The following MARK1 variants were observed in gnomAD, a reference collection of about 807,000 sequenced individuals.
MARK1 encodes the protein serine/threonine-protein kinase MARK1.
MARK1 carries 40 observed loss-of-function variants against 96.3 expected under a neutral mutation model. That is an observed-to-expected ratio of 0.42 (90% CI 0.32 to 0.54). The LOEUF (loss-of-function observed/expected upper bound fraction) is 0.54, where lower values mean the gene tolerates loss of function less well. MARK1 is among the 20% of genes least tolerant of loss of function. MARK1 has a pLI of 0.16. For missense variants in MARK1, 719 were observed against 984.6 expected (o/e 0.73, Z 3.61); for synonymous variants, 317 against 341.2 (o/e 0.93, Z 0.78).
intron 3 of MARK1, among the ~76,000 whole-genome samples, chr1:220,596,976 T>C (rs1665407604): frequency 6.6e-6 from 1 of 152,186 alleles, no homozygotes; most frequent in Admixed American, 6.5e-5. Context: ...GTGTTTGCCC[T>C]TTTGTGACTG....
intron 13 of MARK1, among the ~76,000 whole-genome samples, chr1:220,644,456 C>T (rs1022052690): frequency 1.2e-4 from 17 of 144,816 alleles, no homozygotes; most frequent in African/African-American, 4.2e-4. Context: ...TAGACCCCCC[C>T]CCCCCCACAC....
chr1:220,644,615 C>G (rs1668482131), intron 13 of MARK1, among the ~76,000 whole-genome samples: 1 of 152,032 alleles, frequency 6.6e-6, no homozygotes, highest in Non-Finnish European at 1.5e-5. Flanking sequence ...CACCCCAGAA[C>G]AGCAGAATAT....
At chr1:220,533,610 A>G (rs1394036193) in intron 1 of MARK1, among the ~76,000 whole-genome samples, 2 of 152,106 alleles carry the variant, frequency 1.3e-5, no homozygotes, top group African/African-American at 4.8e-5. Flanking sequence ...CTGTAACTCT[A>G]GGTTGATAGT....
chr1:220,603,302 T>C (rs1665858664), intron 5 of MARK1, among the ~76,000 whole-genome samples: 1 of 152,022 alleles, frequency 6.6e-6, no homozygotes, highest in Non-Finnish European at 1.5e-5. Flanking sequence ...GAGAAAAACT[T>C]ACAGACATGT....
intron 1 of MARK1, among the ~76,000 whole-genome samples, chr1:220,556,675 T>G (rs1317851389): frequency 2.0e-5 from 3 of 151,956 alleles, no homozygotes; most frequent in Non-Finnish European, 4.4e-5. Context: ...ATAAATACCA[T>G]AATAAAAGAA....
intron 3 of MARK1, 77 bp from the exon 4 acceptor site, chr1:220,598,254 C>A: frequency 2.1e-6 from 1 of 487,382 alleles, no homozygotes; most frequent in Non-Finnish European, 4.0e-6. Flanking sequence ...TTAATTTCTT[C>A]AAATAAATAT....
At chr1:220,597,740 A>G (rs1056202708) in intron 3 of MARK1, among the ~76,000 whole-genome samples, 1 of 152,202 alleles carries the variant, frequency 6.6e-6, no homozygotes, top group African/African-American at 2.4e-5. Context: ...TGTATTGTTT[A>G]AAAAGTAAAA....
chr1:220,619,488 A>G (rs1679475033), intron 9 of MARK1, among the ~76,000 whole-genome samples: 1 of 152,188 alleles, frequency 6.6e-6, no homozygotes, highest in Non-Finnish European at 1.5e-5. Flanking sequence ...AAATAAAATA[A>G]AATAAAAATG....
rs935371513 is a variant in MARK1 at position 220,535,278 on chromosome 1, T to C, written c.51+6405T>C. ...AAAATTATAGCTATCCTAACAGTTGTAAAGTAAATATCTTACTGTGGTTTT... is the reference window on the plus strand; with the variant it reads ...AAAATTATAGCTATCCTAACAGTTGCAAAGTAAATATCTTACTGTGGTTTT... On this transcript the variant is annotated intron_variant, in intron 1 of 17. Transcript: ENST00000366917. Among the ~76,000 whole-genome samples, 3 of 152,020 alleles carry C rather than the reference T, an allele frequency of 2.0e-5. No homozygotes were observed. The East Asian group carries it at 5.8e-4, about 29-fold the overall frequency.
chr1:220,630,902 C>T, intron 9 of MARK1, 133 bp from the exon 10 acceptor site: 1 of 619,076 alleles, frequency 1.6e-6, no homozygotes, highest in South Asian at 2.0e-5. Flanking sequence ...CTCTTTTTGG[C>T]CCACTAATCA....
At chr1:220,551,513 A>T (rs574669241) in intron 1 of MARK1, among the ~76,000 whole-genome samples, 1 of 152,322 alleles carries the variant, frequency 6.6e-6, no homozygotes, top group South Asian at 2.1e-4. Context: ...CATACTTAAG[A>T]TAAAGATAAT....
At chr1:220,632,504 G>T (rs1266352787) in intron 11 of MARK1, among the ~76,000 whole-genome samples, 191 bp downstream of exon 11, 1 of 152,158 alleles carries the variant, frequency 6.6e-6, no homozygotes, top group East Asian at 1.9e-4. Flanking sequence ...TTTTATGAAA[G>T]AATAGGTCTA....
In MARK1 at chr1:220,663,814, T is replaced by A. The variant is rs560190906; in HGVS notation, c.*1648T>A. The A allele has an allele frequency of 1.2e-4, 19 of 152,562 alleles. No individual in the cohort carries two copies. The highest frequency in any genetic ancestry group is 7.2e-4 in the Admixed American group (11 of 15,272). 9.5% of individuals were successfully genotyped at this position (152,562 alleles called of 1,614,324 possible). A position where few individuals can be genotyped will look rare whatever the true frequency, so the allele number is the denominator to read the frequency against. ...TGAAAAAAAAAATGTGTAGCCCCTT[T>A]TTAACCTAGTGTTCATTCAAAAAAA... On this transcript the variant is annotated 3_prime_UTR_variant, in exon 18 of 18. Coordinates refer to ENST00000366917, the MANE Select transcript of MARK1 (RefSeq NM_018650.5).
At chr1:220,529,381 A>T (rs1294385277) in intron 1 of MARK1, among the ~76,000 whole-genome samples, 1 of 152,142 alleles carries the variant, frequency 6.6e-6, no homozygotes, top group Admixed American at 6.5e-5. Context: ...GGTCATGGGC[A>T]CCAAAGCGAG....
At chr1:220,641,651 T>C (rs973790448) in intron 13 of MARK1, among the ~76,000 whole-genome samples, 7 of 132,224 alleles carry the variant, frequency 5.3e-5, no homozygotes, top group African/African-American at 2.0e-4. Flanking sequence ...AAACAATGCC[T>C]GTCTGCATCT....
rs574968944 is a variant in MARK1 at position 220,583,404 on chromosome 1, G to A, written c.309+2286G>A. ...CTGCTTAATACTGCCAAAATACAAA[G>A]TTCTTAAACGTGTTTGGTTTTTGGA... On this transcript the variant is annotated intron_variant, in intron 3 of 17. Coordinates refer to ENST00000366917, the MANE Select transcript of MARK1 (RefSeq NM_018650.5). Among the ~76,000 whole-genome samples the A allele has an allele frequency of 5.9e-5, 9 of 152,212 alleles. No individual in the cohort carries two copies. The East Asian group carries it at 1.7e-3, about 29-fold the overall frequency.
rs1009958335 is a variant in MARK1, at chr1:220,652,068, C to A, written c.1654C>A (p.Gln552Lys). 27 of 1,613,662 alleles carry A rather than the reference C, an allele frequency of 1.7e-5. No individual in the cohort carries two copies. In the Admixed American group the frequency reaches 4.2e-4, roughly 25 times the overall value. The change falls in exon 15 of 18, where the codon CAG (glutamine) becomes AAG (lysine). Residue 552 changes from glutamine to lysine, a missense_variant. Transcript: ENST00000366917. ...TGTCCCCTCAGCACGACCCCGCCAC[C>A]AGAAGTCCATGTCCACTTCTGGTCA... Reference protein sequence around the residue: ...SAVPSARPRHQKSMSTSGHPI... With the variant: ...SAVPSARPRHKKSMSTSGHPI...
In MARK1 at chr1:220,661,828, C is replaced by T. The variant is rs753896578; in HGVS notation, c.2050C>T (p.Pro684Ser). Residue 684 changes from proline to serine, a missense_variant, in exon 18 of 18, where the codon CCA becomes TCA. Around this residue, in one of 4 missense-constraint regions of MARK1, gnomAD observed 501 missense variants for 588.3 expected, o/e 0.85. Transcript: ENST00000366917. ...TTGTTCCAGAAGTACATCAGGGGAACCAAAAGAAAGAGACAAGGAAGAGGG... is the reference window on the plus strand; with the variant it reads ...TTGTTCCAGAAGTACATCAGGGGAATCAAAAGAAAGAGACAAGGAAGAGGG... Reference protein sequence around the residue: ...TDTSRSTSGEPKERDKEEGKD... With the variant: ...TDTSRSTSGESKERDKEEGKD... 1 of 1,607,410 alleles carries T rather than the reference C, an allele frequency of 6.2e-7. No homozygotes were observed. Among genetic ancestry groups the T allele is most frequent in the Non-Finnish European group, 8.5e-7 (1 of 1,175,962 alleles).
chr1:220,602,915 G>T (rs1012876168), intron 5 of MARK1, among the ~76,000 whole-genome samples: 1 of 151,926 alleles, frequency 6.6e-6, no homozygotes, highest in Non-Finnish European at 1.5e-5. Flanking sequence ...TATGCCAGTC[G>T]CTGTGCTAAG....
Sources: gnomAD v4.1 joint callset for allele counts (sites outside exome capture counted in the v4.1 genomes callset) on GRCh38, gnomAD v4.1.1 for gene constraint, gnomAD v4.1.1 regional missense constraint, MANE v1.5 for transcripts, NCBI Gene and HGNC (gene_info 2026-07-23, HGNC 2026-07-21) for gene names.